DCAF6: variants seen among roughly 807,000 people sequenced by gnomAD.
DCAF6 encodes DDB1 and CUL4 associated factor 6.
A neutral mutation model predicts 125.1 loss-of-function variants in DCAF6; 54 were observed. The ratio of observed to expected loss-of-function variants is 0.43; its 90% CI spans 0.35 to 0.54. The LOEUF (loss-of-function observed/expected upper bound fraction) is 0.54. DCAF6 is among the 20% of genes least tolerant of loss of function. DCAF6 has a pLI of 0.01. For missense variants in DCAF6, 934 were observed against 1,161.7 expected (o/e 0.80, Z 2.85); for synonymous variants, 371 against 390.4 (o/e 0.95, Z 0.58).
chr1:167,899,312 C>T, the DCAF6 span: 1 of 1,096,944 alleles, frequency 9.1e-7, no homozygotes, highest in Non-Finnish European at 1.4e-6. Flanking sequence ...GACCCCATCC[C>T]AATCTCCAGC....
In DCAF6 at chr1:167,987,361, T is replaced by A. The variant is rs1264071572; in HGVS notation, c.439-134T>A. Reference sequence around the variant, plus strand: ...GTACCATTCTGAATCATAGTATGGGTAAGCCATGAGTAACTAAAATGCATG... The same window carrying A: ...GTACCATTCTGAATCATAGTATGGGAAAGCCATGAGTAACTAAAATGCATG... On this transcript the variant is annotated intron_variant, in intron 4 of 21. Coordinates refer to ENST00000367840, the MANE Select transcript of DCAF6 (RefSeq NM_001198956.2). The A allele has an allele frequency of 5.7e-6, 3 of 530,082 alleles. No individual in the cohort carries two copies. The East Asian group carries it at 8.5e-5, about 15-fold the overall frequency. The allele number at this position is 530,082 out of a possible 1,614,324, so 32.8% of individuals were successfully genotyped here.
intron 10 of DCAF6, among the ~76,000 whole-genome samples, chr1:168,009,389 T>TTCTTTCTC (rs1553232859): frequency 4.4e-4 from 59 of 133,272 alleles, no homozygotes; most frequent in African/African-American, 1.4e-3. Flanking sequence ...CTTCCTTCCT[T>TTCTTTCTC]TCTTTCTTTC....
At chr1:168,008,712 C>T (rs1184948018) in intron 10 of DCAF6, among the ~76,000 whole-genome samples, 1 of 151,940 alleles carries the variant, frequency 6.6e-6, no homozygotes, top group African/African-American at 2.4e-5. Context: ...TATGGCCTGC[C>T]CTTCCCTGTC....
intron 17 of DCAF6, among the ~76,000 whole-genome samples, chr1:168,062,339 T>C (rs976950116): frequency 6.6e-6 from 1 of 152,152 alleles, no homozygotes; most frequent in African/African-American, 2.4e-5. Flanking sequence ...CCTGTTTTGT[T>C]TGCAAAAATT....
chr1:168,052,153 G>A, intron 17 of DCAF6, among the ~76,000 whole-genome samples: 1 of 152,064 alleles, frequency 6.6e-6, no homozygotes, highest in Middle Eastern at 3.4e-3. Flanking sequence ...CAGAGTGCTG[G>A]GATTACAGGC....
chr1:168,009,382 C>CCTTCCTTT (rs1218321129), intron 10 of DCAF6, among the ~76,000 whole-genome samples: 1 of 108,024 alleles, frequency 9.3e-6, no homozygotes, highest in Non-Finnish European at 1.9e-5. Flanking sequence ...TTCCTTCCTT[C>CCTTCCTTT]CTTCCTTTCT....
intron 16 of DCAF6, among the ~76,000 whole-genome samples, chr1:168,046,734 GAAAATCAAACTGATAATTTCC>G (rs1252116067): frequency 1.3e-5 from 2 of 152,158 alleles, no homozygotes; most frequent in South Asian, 2.1e-4. Flanking sequence ...AGCACAATTT[GAAAATCAAACTGATAATTTCC>G]AAAATCAAAC....
At chr1:167,903,285 C>T in the DCAF6 span, among the ~76,000 whole-genome samples, 2 of 148,690 alleles carry the variant, frequency 1.3e-5, no homozygotes, top group Non-Finnish European at 1.5e-5. Flanking sequence ...TAAAAATAGC[C>T]GGGCACCCTG....
chr1:167,986,080 T>G (rs1276146648), intron 4 of DCAF6, among the ~76,000 whole-genome samples: 1 of 152,236 alleles, frequency 6.6e-6, no homozygotes, highest in Non-Finnish European at 1.5e-5. Flanking sequence ...TTTAGTACTT[T>G]ATTTTAGGAA....
the DCAF6 span, among the ~76,000 whole-genome samples, chr1:167,895,262 C>A: frequency 6.6e-6 from 1 of 151,802 alleles, no homozygotes; most frequent in Non-Finnish European, 1.5e-5. Flanking sequence ...TAGAAGGTAC[C>A]ATTAAGACCC....
chr1:168,013,157 C>T (rs1684523801), intron 10 of DCAF6, among the ~76,000 whole-genome samples: 2 of 152,052 alleles, frequency 1.3e-5, no homozygotes, highest in South Asian at 2.1e-4. Context: ...GTGTCTGTAC[C>T]TACCTGAAAA....
chr1:167,993,787 C>G (rs946253455), intron 7 of DCAF6, among the ~76,000 whole-genome samples: 1 of 151,890 alleles, frequency 6.6e-6, no homozygotes, highest in African/African-American at 2.4e-5. Context: ...AACAAAAACC[C>G]CATGTCCTTT....
chr1:167,903,808 T>C, the DCAF6 span: 1 of 1,030,720 alleles, frequency 9.7e-7, no homozygotes. Context: ...AATTGTACTC[T>C]ATCAGGTTAT....
chr1:167,947,067 A>C (rs901721472), intron 1 of DCAF6, among the ~76,000 whole-genome samples: 3 of 152,094 alleles, frequency 2.0e-5, no homozygotes, highest in East Asian at 1.9e-4. Flanking sequence ...TTATTGGTCT[A>C]TTCAGATTTT....
chr1:167,982,381 A>C (rs7530635), intron 4 of DCAF6, among the ~76,000 whole-genome samples: 12,837 of 152,076 alleles, frequency 0.084, 604 homozygotes, highest in Middle Eastern at 0.1. Flanking sequence ...AGCTGGGACT[A>C]TAGGCGCATG....
chr1:167,892,060 G>T, the DCAF6 span, among the ~76,000 whole-genome samples: 1 of 150,652 alleles, frequency 6.6e-6, no homozygotes, highest in South Asian at 2.1e-4. Context: ...TGCAAGCTCC[G>T]TCTCCTTGCT....
chr1:168,040,921 A>T (rs1442120046), intron 13 of DCAF6, among the ~76,000 whole-genome samples: 1 of 141,028 alleles, frequency 7.1e-6, no homozygotes, highest in African/African-American at 2.8e-5. Context: ...GGCAGAACTT[A>T]AAAAAAAAAA....
intron 19 of DCAF6, 85 bp downstream of exon 19, chr1:168,065,831 T>C: frequency 3.1e-6 from 4 of 1,287,558 alleles, no homozygotes; most frequent in South Asian, 1.6e-5. Context: ...TAATTGTTAA[T>C]ATTATAAGAA....
Position 168,022,977 on chromosome 1 carries a change from T to C in DCAF6, c.1550-11T>C. ...GCTTACTTTTAAGTTGAAATCTCAT[T>C]TTTGTTTCAGATTCTCCTTCTTCTG... On this transcript the variant is annotated splice_polypyrimidine_tract_variant and intron_variant, in intron 11 of 21. Coordinates refer to ENST00000367840, the MANE Select transcript of DCAF6 (RefSeq NM_001198956.2). The C allele has an allele frequency of 6.2e-7, 1 of 1,613,854 alleles. No individual in the cohort carries two copies. The highest frequency in any genetic ancestry group is 8.5e-7 in the Non-Finnish European group (1 of 1,179,822).
Sources: allele counts gnomAD v4.1 joint callset (sites outside exome capture counted in the v4.1 genomes callset), GRCh38; gene constraint gnomAD v4.1.1; transcripts MANE v1.5; gene names NCBI Gene and HGNC (gene_info 2026-07-23, HGNC 2026-07-21).